ETV3: variants seen among roughly 807,000 people sequenced by gnomAD.
ETV3 encodes ETS variant transcription factor 3.
In ETV3, 8 loss-of-function variants were observed where a neutral mutation model predicts 33.0. That is an observed-to-expected ratio of 0.24 (90% CI 0.14 to 0.44). The LOEUF is 0.44. Among genes scored for constraint, ETV3 ranks in the 20% least tolerant of loss-of-function variants. The pLI is 1.00. For synonymous variants in ETV3, 222 were observed against 238.9 expected, an observed-to-expected ratio of 0.93 and a Z score of 0.65; for missense variants, 473 against 652.3, an observed-to-expected ratio of 0.73 and a Z score of 2.99.
chr1:157,134,296 C>T, intron 3 of ETV3, 69 bp from the exon 4 acceptor site: 1 of 1,546,236 alleles, frequency 6.5e-7, no homozygotes, highest in South Asian at 1.3e-5. Context: ...CTTAGGTAGC[C>T]ACTGAGACCA....
chr1:157,125,235 A>G lies in ETV3; in HGVS notation c.1145T>C (p.Val382Ala), dbSNP rs1197134429. ...AGGATCCTTTTCAGAGGCAGGTTCC[A>G]CCTTGATTCTTGGGGGAATAGAAGC... ...TMASIPPRIK[V>A]EPASEKDPES... Residue 382 changes from valine (V) to alanine (A), a missense_variant, in exon 5 of 5, where the codon GTG becomes GCG. Val to Ala is a moderately conservative substitution (Grantham distance 64, BLOSUM62 0). Transcript: ENST00000368192. The surrounding 1 kb of genome is among the most constrained non-coding windows in gnomAD (Gnocchi z 4.0). 1.9e-6 allele frequency: 3 copies of G among 1,551,684 alleles called. No homozygotes were observed. Among genetic ancestry groups the G allele is most frequent in the Admixed American group, 2.0e-5 (1 of 50,952 alleles).
chr1:157,126,469 G>GCCAAAATATATA (rs1491200202), intron 4 of ETV3, among the ~76,000 whole-genome samples: 7 of 151,806 alleles, frequency 4.6e-5, no homozygotes, highest in Non-Finnish European at 1.0e-4. Flanking sequence ...ATATATATTC[G>GCCAAAATATATA]TGTGTGTGTG....
intron 3 of ETV3, 84 bp downstream of exon 3, chr1:157,135,387 T>C (rs971773951): frequency 4.7e-6 from 7 of 1,502,576 alleles, no homozygotes; most frequent in Admixed American, 1.8e-5. Flanking sequence ...TTTTATTACC[T>C]GATACCCTTT....
intron 4 of ETV3, chr1:157,133,745 A>T: frequency 9.8e-7 from 1 of 1,015,726 alleles, no homozygotes; most frequent in African/African-American, 1.7e-5. Flanking sequence ...GTTTGTAGAA[A>T]CAGGTTCCCA....
intron 3 of ETV3, chr1:157,135,200 G>A (rs1042177371): frequency 3.0e-5 from 17 of 564,550 alleles, no homozygotes; most frequent in Non-Finnish European, 5.3e-5. Flanking sequence ...ATATACTCTC[G>A]CCCACTACAG....
chr1:157,126,515 G>A lies in ETV3; in HGVS notation c.401-536C>T, dbSNP rs78908146. ...GAGGTTTACTGAAATATAAACATTC[G>A]AGAACATTTAAGATAGAAAATAATA... On this transcript the variant is annotated intron_variant, in intron 4 of 4. Coordinates refer to ENST00000368192, the MANE Select transcript of ETV3 (RefSeq NM_001145312.3). Among the ~76,000 whole-genome samples the A allele has an allele frequency of 2.2e-3, 335 of 152,284 alleles. 1 individual carries two copies. Among genetic ancestry groups the A allele is most frequent in the African/African-American group, 7.5e-3 (313 of 41,564 alleles).
chr1:157,135,581 C>G lies in ETV3; in HGVS notation c.174G>C (p.Gln58His), dbSNP rs201844852. 59 of 1,614,116 alleles carry G rather than the reference C, an allele frequency of 3.7e-5. No homozygotes were observed. The highest frequency in any genetic ancestry group is 1.4e-5 in the Non-Finnish European group (16 of 1,179,990). ...EEFRHVIAWQ[Q>H]GEYGEFVIKD... is the part of the protein sequence containing the mutation. ...TGATGACAAATTCCCCGTACTCTCC[C>G]TGCTGCCAGGCGATGACATGGCGGA... Residue 58 changes from glutamine to histidine, a missense_variant, in exon 3 of 5, where the codon CAG (glutamine) becomes CAC (histidine). This residue lies in a region of ETV3 where 30 missense variants were observed against 94.9 expected (regional missense o/e 0.32). Coordinates refer to ENST00000368192, the MANE Select transcript of ETV3 (RefSeq NM_001145312.3).
intron 1 of ETV3, among the ~76,000 whole-genome samples, chr1:157,138,073 G>T (rs1177982375): frequency 6.6e-6 from 1 of 152,152 alleles, no homozygotes; most frequent in Non-Finnish European, 1.5e-5. Context: ...CACCTCCCGG[G>T]CCGGGCTTCC....
intron 1 of ETV3, among the ~76,000 whole-genome samples, chr1:157,136,951 G>T (rs1558032969): frequency 6.6e-6 from 1 of 152,160 alleles, no homozygotes; most frequent in Admixed American, 6.5e-5. Flanking sequence ...TGGGATACAG[G>T]AAGTAAACAC....
intron 4 of ETV3, among the ~76,000 whole-genome samples, chr1:157,127,856 T>C (rs1045780412): frequency 6.6e-6 from 1 of 152,088 alleles, no homozygotes; most frequent in Non-Finnish European, 1.5e-5. Context: ...CCATCAACTT[T>C]AGTGGCTCAC....
At chr1:157,130,485 GAAA>G (rs1674945499) in intron 4 of ETV3, among the ~76,000 whole-genome samples, 2 of 152,194 alleles carry the variant, frequency 1.3e-5, no homozygotes, top group South Asian at 4.1e-4. Flanking sequence ...TACTGGGGTT[GAAA>G]AAACTGGGTC....
At chr1:157,127,562 T>C (rs1335078552) in intron 4 of ETV3, among the ~76,000 whole-genome samples, 1 of 151,752 alleles carries the variant, frequency 6.6e-6, no homozygotes, top group African/African-American at 2.4e-5. Context: ...TTTTTTTTTT[T>C]TGAGACAGGG....
At position 157,136,322 on chromosome 1, in the gene ETV3, G is replaced by A. The variant is rs1675109893; in HGVS notation, c.31C>T (p.Pro11Ser). 1.2e-6 allele frequency: 2 copies of A among 1,611,442 alleles called. No homozygotes were observed. The highest frequency in any genetic ancestry group is 1.7e-6 in the Non-Finnish European group (2 of 1,178,968). ...TTCTGCTCACCTCCACCTCCTTCTG[G>A]CTTTTCCACGATGCTACAGCCGGCT... MKAGCSIVEK[P>S]EGGGGYQFPD... The change falls in exon 2 of 5, where the codon CCA (proline) becomes TCA (serine). Residue 11 changes from proline to serine, a missense_variant. Pro to Ser is a moderately conservative substitution (Grantham distance 74). This residue lies in a region of ETV3 where 33 missense variants were observed against 37.1 expected (regional missense o/e 0.89). Transcript: ENST00000368192.
At chr1:157,130,032 C>G (rs935564085) in intron 4 of ETV3, among the ~76,000 whole-genome samples, 1 of 152,014 alleles carries the variant, frequency 6.6e-6, no homozygotes, top group South Asian at 2.1e-4. Context: ...TTAGTAGAGA[C>G]AGGGTTTCAC....
chr1:157,132,194 G>A (rs935474412), intron 4 of ETV3, among the ~76,000 whole-genome samples: 1 of 152,164 alleles, frequency 6.6e-6, no homozygotes, highest in Non-Finnish European at 1.5e-5. Context: ...GTGATCTGCC[G>A]GCCTTGGCCT....
intron 4 of ETV3, chr1:157,133,736 T>C (rs1371058815): frequency 2.0e-6 from 2 of 1,009,398 alleles, no homozygotes; most frequent in Non-Finnish European, 2.4e-6. Flanking sequence ...ATCGGAAGTG[T>C]TTGTAGAAAC....
intron 4 of ETV3, chr1:157,133,339 TA>T (rs1204884666): frequency 8.0e-5 from 76 of 953,604 alleles, no homozygotes; most frequent in South Asian, 9.7e-5. Context: ...GCGAATCTAC[TA>T]GGGGTCTTAG....
intron 4 of ETV3, among the ~76,000 whole-genome samples, chr1:157,126,539 TAAC>T (rs771811276): frequency 2.6e-5 from 4 of 152,334 alleles, no homozygotes; most frequent in Non-Finnish European, 4.4e-5. Flanking sequence ...TAGAAAATAA[TAAC>T]AACATATAGA....
In ETV3 at chr1:157,123,053, C is replaced by T. The variant is rs1272699432; in HGVS notation, c.*1788G>A. ...ACTGTAGTTTAAAAAGGAAAAAACA[C>T]CCCCCACCATTAAAAGACAACCTTC... On this transcript the variant is annotated 3_prime_UTR_variant, in exon 5 of 5. Coordinates refer to ENST00000368192, the MANE Select transcript of ETV3 (RefSeq NM_001145312.3). 2 of 152,138 alleles carry T rather than the reference C, an allele frequency of 1.3e-5. No individual in the cohort carries two copies. Among genetic ancestry groups the T allele is most frequent in the African/African-American group, 4.8e-5 (2 of 41,402 alleles). The allele number at this position is 152,138 out of a possible 1,614,324, so 9.4% of individuals were successfully genotyped here.
Sources: gnomAD v4.1 joint callset for allele counts (sites outside exome capture counted in the v4.1 genomes callset) on GRCh38, gnomAD v4.1.1 for gene constraint, gnomAD v4.1.1 regional missense constraint, Gnocchi (gnomAD v3.1) non-coding constraint, MANE v1.5 for transcripts, NCBI Gene and HGNC (gene_info 2026-07-23, HGNC 2026-07-21) for gene names.